SMAD2: variants seen among roughly 807,000 people sequenced by gnomAD.
SMAD2 encodes the protein SMAD family member 2, also known as MAD homolog 2.
Under a neutral mutation model 64.4 loss-of-function variants are expected in SMAD2, and 8 were observed. The observed-to-expected ratio is 0.12, with a 90% CI of 0.07 to 0.22. The LOEUF (loss-of-function observed/expected upper bound fraction) is 0.22, where lower values mean the gene tolerates loss of function less well. SMAD2 is among the 10% of genes least tolerant of loss of function. The probability of loss-of-function intolerance (pLI) is 1.00; values close to 1 mark genes in which losing one functional copy is unlikely to be tolerated. For synonymous variants in SMAD2, 203 were observed against 195.8 expected, an observed-to-expected ratio of 1.04 and a Z score of -0.31; for missense variants, 289 against 561.2, an observed-to-expected ratio of 0.51 and a Z score of 4.90.
intron 1 of SMAD2, among the ~76,000 whole-genome samples, chr18:47,916,253 T>C (rs2034329681): frequency 6.6e-6 from 1 of 152,196 alleles, no homozygotes; most frequent in Admixed American, 6.5e-5. Context: ...AAGATTATAG[T>C]AGCCTTGCAA....
intron 6 of SMAD2, among the ~76,000 whole-genome samples, chr18:47,860,003 C>T (rs2031039691): frequency 6.6e-6 from 1 of 152,042 alleles, no homozygotes. Flanking sequence ...GGTGCAGTAG[C>T]ATGTACCTGT....
intron 8 of SMAD2, among the ~76,000 whole-genome samples, chr18:47,848,117 A>C (rs942561603): frequency 5.3e-5 from 8 of 152,030 alleles, no homozygotes; most frequent in African/African-American, 1.9e-4. Context: ...ACTGAAAAAA[A>C]ACAAAAACAA....
chr18:47,842,317 G>A lies in SMAD2; in HGVS notation c.1281-367C>T, dbSNP rs186114304. Among the ~76,000 whole-genome samples, 308 of 152,208 alleles carry A rather than the reference G, an allele frequency of 2.0e-3. 2 individuals are homozygous for A. The highest frequency in any genetic ancestry group is 7.1e-3 in the African/African-American group (293 of 41,536). On this transcript the variant is annotated intron_variant, in intron 10 of 10. Coordinates refer to ENST00000262160, the MANE Select transcript of SMAD2 (RefSeq NM_005901.6). ...AGCACTTTGGGAGGCCGAGGCAGGC[G>A]GATCACAAGGTCAAGAGATTGAGAC...
intron 1 of SMAD2, among the ~76,000 whole-genome samples, chr18:47,929,527 G>A (rs2034910796): frequency 1.3e-5 from 2 of 152,148 alleles, no homozygotes; most frequent in Admixed American, 6.5e-5. Flanking sequence ...AGTCCAAATT[G>A]CAACAAACAA....
rs1912298511 is a variant in SMAD2 at position 47,814,245 on chromosome 18, G to A, written c.*27582C>T. 6.6e-6 allele frequency: 1 copy of A among 152,166 alleles called. No individual in the cohort carries two copies. Among genetic ancestry groups the A allele is most frequent in the South Asian group, 2.1e-4 (1 of 4,820 alleles). 9.4% of individuals were successfully genotyped at this position (152,166 alleles called of 1,614,324 possible). On this transcript the variant is annotated 3_prime_UTR_variant, in exon 11 of 11. Transcript: ENST00000262160. The stretch of plus-strand genomic sequence containing the variant: ...CCTGACAGTCACAGGAAAGGAGAGG[G>A]TGTGTACTAGAGTAACAGCACAGTT...
chr18:47,914,473 C>G (rs977263599), intron 1 of SMAD2, among the ~76,000 whole-genome samples: 3 of 152,238 alleles, frequency 2.0e-5, no homozygotes, highest in Non-Finnish European at 2.9e-5. Flanking sequence ...AATACCCTGA[C>G]GTAATACAGA....
rs182915302 is a variant in SMAD2, at chr18:47,854,285, G to A, written c.731-2958C>T. Among the ~76,000 whole-genome samples, 90 of 152,168 alleles carry A rather than the reference G, an allele frequency of 5.9e-4. No homozygotes were observed. The Middle Eastern group carries it at 0.01, about 17-fold the overall frequency. ...CAGAAATCCCTGTGCATGTATCTTC[G>A]CATACAAATTCACATATATTTGTAG... is the stretch of plus-strand genomic sequence containing the variant. On this transcript the variant is annotated intron_variant, in intron 6 of 10. Transcript: ENST00000262160.
intron 2 of SMAD2, among the ~76,000 whole-genome samples, chr18:47,871,252 G>C (rs10502889): frequency 0.057 from 8,641 of 152,124 alleles, 637 homozygotes; most frequent in East Asian, 0.22. Context: ...AGCTTAAAAG[G>C]AAGTTTTGGA....
intron 6 of SMAD2, among the ~76,000 whole-genome samples, chr18:47,857,138 T>C (rs1568051061): frequency 6.6e-6 from 1 of 152,224 alleles, no homozygotes; most frequent in Non-Finnish European, 1.5e-5. Context: ...GCTAATTTTT[T>C]ATAATGAACA....
intron 2 of SMAD2, among the ~76,000 whole-genome samples, chr18:47,871,487 C>T (rs2031928297): frequency 1.3e-5 from 2 of 152,306 alleles, no homozygotes; most frequent in African/African-American, 4.8e-5. Flanking sequence ...CGCTGGCTTC[C>T]TGTGGCCAGG....
chr18:47,883,740 T>A (rs181354576), intron 2 of SMAD2, among the ~76,000 whole-genome samples: 1 of 152,244 alleles, frequency 6.6e-6, no homozygotes, highest in African/African-American at 2.4e-5. Context: ...GTCATTTGTA[T>A]GCTGCGTGCC....
At chr18:47,907,663 C>A (rs1322869243) in intron 1 of SMAD2, among the ~76,000 whole-genome samples, 1 of 152,198 alleles carries the variant, frequency 6.6e-6, no homozygotes, top group Non-Finnish European at 1.5e-5. Flanking sequence ...CCAAAACTCA[C>A]AGAACTGGCC....
intron 1 of SMAD2, among the ~76,000 whole-genome samples, chr18:47,907,258 C>G (rs1821637731): frequency 6.6e-6 from 1 of 152,018 alleles, no homozygotes; most frequent in Admixed American, 6.5e-5. Flanking sequence ...TAATAATCGC[C>G]AAAAACTAAA....
chr18:47,863,921 A>G (rs575557505), intron 6 of SMAD2, among the ~76,000 whole-genome samples: 27 of 152,084 alleles, frequency 1.8e-4, no homozygotes, highest in Non-Finnish European at 3.8e-4. Context: ...CAATTTCTCC[A>G]CATCCTCACC....
chr18:47,844,984 T>TGCACCTTTTACACCAATTTACA (rs1914351148), intron 10 of SMAD2: 1 of 473,116 alleles, frequency 2.1e-6, no homozygotes, highest in African/African-American at 2.0e-5. Context: ...ACTATTGAAA[T>TGCACCTTTTACACCAATTTACA]CCAATGCACC....
At chr18:47,915,137 G>C (rs1347000448) in intron 1 of SMAD2, among the ~76,000 whole-genome samples, 1 of 152,048 alleles carries the variant, frequency 6.6e-6, no homozygotes, top group African/African-American at 2.4e-5. Context: ...TGCAGTACTT[G>C]ATCAGACATA....
At chr18:47,847,269 C>A (rs1914589099) in intron 8 of SMAD2, among the ~76,000 whole-genome samples, 1 of 152,106 alleles carries the variant, frequency 6.6e-6, no homozygotes, top group Non-Finnish European at 1.5e-5. Context: ...TTGAGAACTT[C>A]CACTTGGAAC....
chr18:47,897,035 T>G (rs1335784399), intron 1 of SMAD2, among the ~76,000 whole-genome samples: 1 of 152,144 alleles, frequency 6.6e-6, no homozygotes. Flanking sequence ...TGTGGGAAAA[T>G]ACAGTAATTT....
chr18:47,856,028 C>T (rs747997788), intron 6 of SMAD2, among the ~76,000 whole-genome samples: 1 of 151,860 alleles, frequency 6.6e-6, no homozygotes, highest in Non-Finnish European at 1.5e-5. Flanking sequence ...TGAATGTTAT[C>T]CTGCCTTAAA....
Sources: gnomAD v4.1 joint callset for allele counts (sites outside exome capture counted in the v4.1 genomes callset) on GRCh38, gnomAD v4.1.1 for gene constraint, MANE v1.5 for transcripts, NCBI Gene and HGNC (gene_info 2026-07-23, HGNC 2026-07-21) for gene names.